Variants in APBA1 observed in about 807,000 individuals in gnomAD.
The protein encoded by APBA1 is amyloid-beta A4 precursor protein-binding family A member 1.
In APBA1, 55 loss-of-function variants were observed where a neutral mutation model predicts 86.6. That is an observed-to-expected ratio of 0.64 (90% CI 0.51 to 0.80). APBA1 has a LOEUF of 0.80. APBA1 is among the 30% of genes least tolerant of loss of function. The probability of loss-of-function intolerance (pLI) is 0.00; values close to 1 mark genes in which losing one functional copy is unlikely to be tolerated. For missense variants in APBA1, 1,090 were observed against 1,183.0 expected, an observed-to-expected ratio of 0.92 and a Z score of 1.15; for synonymous variants, 511 against 493.9, an observed-to-expected ratio of 1.03 and a Z score of -0.46.
At chr9:69,494,863 C>A (rs1835771074) in intron 2 of APBA1, among the ~76,000 whole-genome samples, 1 of 152,136 alleles carries the variant, frequency 6.6e-6, no homozygotes, top group Non-Finnish European at 1.5e-5. Context: ...CTATGTGTGT[C>A]AGGCACTGTA....
At chr9:69,528,674 T>C (rs996849701) in intron 1 of APBA1, among the ~76,000 whole-genome samples, 1 of 152,084 alleles carries the variant, frequency 6.6e-6, no homozygotes, top group Non-Finnish European at 1.5e-5. Context: ...CTGTTATCTC[T>C]ATTGCTACAC....
rs142238682 is a variant in APBA1, at chr9:69,448,402, C to T, written c.2181+1182G>A. Among the ~76,000 whole-genome samples, 905 of 152,196 alleles carry T rather than the reference C, an allele frequency of 5.9e-3. 4 individuals are homozygous for T. Among genetic ancestry groups the T allele is most frequent in the African/African-American group, 0.021 (860 of 41,502 alleles). Reference sequence around the variant, plus strand: ...GTTGATTCTCTAATCTTACCTTTAACGTGTATTAAGCAAGAGGTAGAATTT... The same window carrying T: ...GTTGATTCTCTAATCTTACCTTTAATGTGTATTAAGCAAGAGGTAGAATTT... On this transcript the variant is annotated intron_variant, in intron 10 of 12. Transcript: ENST00000265381.
chr9:69,576,430 A>G (rs546207146), intron 1 of APBA1, among the ~76,000 whole-genome samples: 1 of 152,366 alleles, frequency 6.6e-6, no homozygotes, highest in East Asian at 1.9e-4. Context: ...GGCACTATTC[A>G]CAATAGCAAA....
intron 1 of APBA1, among the ~76,000 whole-genome samples, chr9:69,596,965 G>C (rs574057589): frequency 6.6e-6 from 1 of 152,284 alleles, no homozygotes; most frequent in East Asian, 1.9e-4. Flanking sequence ...GCCATTTAGT[G>C]GGGGTGCAAA....
intron 5 of APBA1, among the ~76,000 whole-genome samples, chr9:69,466,357 T>C (rs1835280022): frequency 6.6e-6 from 1 of 152,222 alleles, no homozygotes; most frequent in Non-Finnish European, 1.5e-5. Context: ...TGGCAGAGTC[T>C]GGACACGTGA....
chr9:69,431,427 G>A (rs1326480446), intron 12 of APBA1, 29 bp from the exon 13 acceptor site: 4 of 1,604,062 alleles, frequency 2.5e-6, no homozygotes, highest in Non-Finnish European at 3.4e-6. Flanking sequence ...CTTTAGTGGG[G>A]GGCTGAGGCT....
chr9:69,472,183 G>T (rs1835376716), intron 3 of APBA1, among the ~76,000 whole-genome samples: 1 of 152,146 alleles, frequency 6.6e-6, no homozygotes, highest in Non-Finnish European at 1.5e-5. Context: ...ATCTCCTACT[G>T]ATTTATTTTA....
At chr9:69,639,677 C>A (rs1336313744) in intron 1 of APBA1, among the ~76,000 whole-genome samples, 1 of 152,142 alleles carries the variant, frequency 6.6e-6, no homozygotes, top group Non-Finnish European at 1.5e-5. Flanking sequence ...TGTGAGCAAA[C>A]CAACTCCTTA....
At chr9:69,535,281 T>C (rs771346643) in intron 1 of APBA1, among the ~76,000 whole-genome samples, 1 of 152,214 alleles carries the variant, frequency 6.6e-6, no homozygotes, top group African/African-American at 2.4e-5. Context: ...GGATTCTGTA[T>C]TTCCTCTAAG....
At chr9:69,576,742 A>G (rs1239504966) in intron 1 of APBA1, among the ~76,000 whole-genome samples, 1 of 152,178 alleles carries the variant, frequency 6.6e-6, no homozygotes, top group South Asian at 2.1e-4. Flanking sequence ...GCATTAGGAG[A>G]TATACCTAAT....
intron 1 of APBA1, among the ~76,000 whole-genome samples, chr9:69,545,525 G>A (rs1204924402): frequency 2.0e-5 from 3 of 152,188 alleles, no homozygotes; most frequent in Non-Finnish European, 4.4e-5. Flanking sequence ...ATCAGGCAGG[G>A]AGACACCTGC....
intron 1 of APBA1, among the ~76,000 whole-genome samples, chr9:69,613,205 C>G (rs935803402): frequency 6.5e-5 from 8 of 122,232 alleles, no homozygotes; most frequent in African/African-American, 3.0e-4. Flanking sequence ...ACTTTGATCT[C>G]CCTGTTAGAA....
intron 1 of APBA1, among the ~76,000 whole-genome samples, chr9:69,655,533 G>A (rs567654252): frequency 6.6e-6 from 1 of 152,214 alleles, no homozygotes; most frequent in Admixed American, 6.5e-5. Flanking sequence ...TAGCAAGGAT[G>A]TAAAAGATCT....
intron 1 of APBA1, among the ~76,000 whole-genome samples, chr9:69,600,115 G>C (rs1822317340): frequency 6.6e-6 from 1 of 152,190 alleles, no homozygotes; most frequent in African/African-American, 2.4e-5. Context: ...ACCAGGAAGA[G>C]AGGCTATTTC....
At chr9:69,547,877 G>C (rs768944350) in intron 1 of APBA1, among the ~76,000 whole-genome samples, 7 of 152,194 alleles carry the variant, frequency 4.6e-5, no homozygotes, top group Non-Finnish European at 8.8e-5. Context: ...GATGGGTTCA[G>C]TGGTGTGGTC....
chr9:69,451,120 A>T (rs1835001111), intron 9 of APBA1, among the ~76,000 whole-genome samples: 1 of 152,238 alleles, frequency 6.6e-6, no homozygotes, highest in Non-Finnish European at 1.5e-5. Flanking sequence ...GGCATGGGGT[A>T]CAAAGGCTTG....
intron 1 of APBA1, among the ~76,000 whole-genome samples, chr9:69,645,540 G>C (rs1165774750): frequency 6.6e-6 from 1 of 152,214 alleles, no homozygotes; most frequent in Non-Finnish European, 1.5e-5. Flanking sequence ...AGACTTGCTT[G>C]CCCAGTTTCC....
chr9:69,511,257 C>T (rs1454367124), intron 2 of APBA1, among the ~76,000 whole-genome samples: 3 of 152,064 alleles, frequency 2.0e-5, no homozygotes, highest in East Asian at 1.9e-4. Flanking sequence ...CAAAAAGTGG[C>T]CGAAGGACAT....
At chr9:69,491,890 G>A (rs60751179) in intron 2 of APBA1, among the ~76,000 whole-genome samples, 6,430 of 150,936 alleles carry the variant, frequency 0.043, 478 homozygotes, top group African/African-American at 0.15. Flanking sequence ...TCAGCCTCCC[G>A]AGTAGCTGGG....
Sources: allele counts gnomAD v4.1 joint callset (sites outside exome capture counted in the v4.1 genomes callset), GRCh38; gene constraint gnomAD v4.1.1; transcripts MANE v1.5; gene names NCBI Gene and HGNC (gene_info 2026-07-23, HGNC 2026-07-21).